Variants in SNTG2 observed in about 807,000 individuals in gnomAD.
SNTG2 encodes the protein gamma-2-syntrophin.
SNTG2 carries 74 observed loss-of-function variants against 70.9 expected under a neutral mutation model. The ratio of observed to expected loss-of-function variants is 1.04; its 90% CI spans 0.86 to 1.27. The LOEUF is 1.27. SNTG2 is among the 50% of genes most tolerant of loss of function. SNTG2 has a pLI of 0.00. For synonymous variants in SNTG2, 278 were observed against 273.8 expected (o/e 1.02, Z -0.15); for missense variants, 717 against 690.7 (o/e 1.04, Z -0.43).
chr2:1,273,651 A>G (rs1012407836), intron 14 of SNTG2, among the ~76,000 whole-genome samples: 2 of 148,666 alleles, frequency 1.3e-5, no homozygotes, highest in Non-Finnish European at 3.0e-5. Flanking sequence ...ATATATATAT[A>G]AGTATAAACT....
chr2:1,320,530 T>G (rs1213570131), intron 16 of SNTG2, among the ~76,000 whole-genome samples: 23 of 96,784 alleles, frequency 2.4e-4, no homozygotes, highest in African/African-American at 9.8e-4. Flanking sequence ...GCGAGACTCC[T>G]TCTCAAAAAA....
chr2:1,074,530 A>G (rs1168668039), intron 1 of SNTG2, among the ~76,000 whole-genome samples: 1 of 152,202 alleles, frequency 6.6e-6, no homozygotes, highest in Admixed American at 6.5e-5. Flanking sequence ...TGATAAAGGT[A>G]TTGTTAAGTA....
At chr2:966,973 A>G (rs925302718) in intron 1 of SNTG2, among the ~76,000 whole-genome samples, 7 of 152,038 alleles carry the variant, frequency 4.6e-5, no homozygotes, top group African/African-American at 1.7e-4. Context: ...AAACAAAAAA[A>G]CAAATAATAG....
chr2:1,139,189 A>G (rs1668589104), intron 6 of SNTG2, among the ~76,000 whole-genome samples: 2 of 152,188 alleles, frequency 1.3e-5, no homozygotes, highest in Non-Finnish European at 1.5e-5. Flanking sequence ...CAGAGAGAGT[A>G]AAATTCTTGT....
rs201438117 is a variant in SNTG2, at chr2:1,209,123, G to T, written c.612G>T (p.Ser204=). 2 of 1,613,766 alleles carry T rather than the reference G, an allele frequency of 1.2e-6. No individual in the cohort carries two copies. Among genetic ancestry groups the T allele is most frequent in the South Asian group, 2.2e-5 (2 of 91,056 alleles). The change falls in exon 9 of 17, where the codon TCG becomes TCT. Residue 204 remains serine (S), a synonymous_variant. Transcript: ENST00000308624. The part of the protein sequence containing the change: ...SSTTAPSSPS[S]PIAKDPRYEK... Reference sequence around the variant, plus strand: ...TACAGGCCCCATCGTCACCTTCCTCGCCCATAGCTAAGGACCCGAGGTATG... The same window carrying T: ...TACAGGCCCCATCGTCACCTTCCTCTCCCATAGCTAAGGACCCGAGGTATG...
intron 9 of SNTG2, among the ~76,000 whole-genome samples, chr2:1,232,733 T>C (rs1676340060): frequency 1.3e-5 from 2 of 152,230 alleles, no homozygotes; most frequent in Non-Finnish European, 2.9e-5. Flanking sequence ...TTTTCTAAAT[T>C]GTACTAAAAA....
intron 1 of SNTG2, among the ~76,000 whole-genome samples, chr2:1,004,078 A>G (rs1004029611): frequency 2.0e-5 from 3 of 152,338 alleles, no homozygotes; most frequent in Middle Eastern, 3.4e-3. Context: ...TTATACCTAT[A>G]CAGAATCCCC....
intron 1 of SNTG2, among the ~76,000 whole-genome samples, chr2:1,034,001 T>C (rs1401113131): frequency 6.6e-6 from 1 of 151,816 alleles, no homozygotes; most frequent in Non-Finnish European, 1.5e-5. Context: ...TATTTTTAAC[T>C]TTTATGTTTA....
Position 1,165,559 on chromosome 2 carries a change from G to A in SNTG2, c.423G>A (p.Leu141=). ...NATHEEVVHL[L]RNAGDEVTIT... is the part of the protein sequence containing the mutation. ...TGTCATATTGACAGGTGCATCTGCT[G>A]AGAAATGCTGGCGATGAAGTTACCA... The change falls in exon 7 of 17, where the codon CTG becomes CTA. Residue 141 remains leucine (L), a synonymous_variant. Coordinates refer to ENST00000308624, the MANE Select transcript of SNTG2 (RefSeq NM_018968.4). 1 of 1,612,538 alleles carries A rather than the reference G, an allele frequency of 6.2e-7. No individual in the cohort carries two copies. Among genetic ancestry groups the A allele is most frequent in the Admixed American group, 1.7e-5 (1 of 59,732 alleles).
intron 1 of SNTG2, among the ~76,000 whole-genome samples, chr2:967,389 C>T (rs1660602646): frequency 6.6e-6 from 1 of 151,972 alleles, no homozygotes; most frequent in Non-Finnish European, 1.5e-5. Flanking sequence ...TGATGAAGTT[C>T]CCTTCTCTTA....
At chr2:1,092,206 A>G (rs1273732251) in intron 2 of SNTG2, among the ~76,000 whole-genome samples, 1 of 152,108 alleles carries the variant, frequency 6.6e-6, no homozygotes, top group African/African-American at 2.4e-5. Context: ...GTTTTTCTAT[A>G]AATTTCTAAT....
At chr2:1,308,147 TAGCAGAAAG>T (rs1237564894) in intron 14 of SNTG2, among the ~76,000 whole-genome samples, 6 of 152,166 alleles carry the variant, frequency 3.9e-5, no homozygotes, top group Non-Finnish European at 7.3e-5. Context: ...TACAATGAGC[TAGCAGAAAG>T]AAAATTCAGT....
chr2:1,169,470 G>T (rs1312262999), intron 7 of SNTG2, among the ~76,000 whole-genome samples: 1 of 152,178 alleles, frequency 6.6e-6, no homozygotes, highest in African/African-American at 2.4e-5. Flanking sequence ...ACACCAGATG[G>T]CAGAGGAAGT....
intron 1 of SNTG2, among the ~76,000 whole-genome samples, chr2:1,019,180 C>T (rs1225698137): frequency 6.6e-6 from 1 of 152,164 alleles, no homozygotes; most frequent in Non-Finnish European, 1.5e-5. Flanking sequence ...ATCAAACAGT[C>T]CCCTTTGGCT....
chr2:1,170,058 T>C (rs1184793728), intron 7 of SNTG2, among the ~76,000 whole-genome samples: 1 of 152,062 alleles, frequency 6.6e-6, no homozygotes, highest in Non-Finnish European at 1.5e-5. Flanking sequence ...GAAGCAGAAA[T>C]CCACCGAGCA....
rs1673789530 is a variant in SNTG2, at chr2:1,208,286, TGTGA to T, written c.592-813_592-810del. On this transcript the variant is annotated intron_variant, in intron 8 of 16. Coordinates refer to ENST00000308624, the MANE Select transcript of SNTG2 (RefSeq NM_018968.4). The stretch of plus-strand genomic sequence containing the variant: ...CACGCCCATGAGTGTGGGGCACACC[TGTGA>T]GTGTGAGGCACATCTGTGTGAGGCA... Among the ~76,000 whole-genome samples, 4 of 75,376 alleles carry T rather than the reference TGTGA, an allele frequency of 5.3e-5. No homozygotes were observed. In the East Asian group the frequency reaches 5.4e-3, roughly 102 times the overall value. 49.4% of individuals were successfully genotyped at this position (75,376 alleles called of 152,430 possible).
intron 6 of SNTG2, among the ~76,000 whole-genome samples, chr2:1,148,594 C>T (rs66504177): frequency 0.98 from 149,713 of 152,262 alleles, 73,653 homozygotes; most frequent in East Asian, 1. Context: ...TACTGTGTTA[C>T]CTGACACTAA....
intron 1 of SNTG2, among the ~76,000 whole-genome samples, chr2:951,729 C>G (rs1659972640): frequency 6.6e-6 from 1 of 152,208 alleles, no homozygotes; most frequent in African/African-American, 2.4e-5. Flanking sequence ...ACGAAAAGTT[C>G]TTGGAAACCT....
chr2:1,302,051 T>G (rs1680476257), intron 14 of SNTG2, among the ~76,000 whole-genome samples: 1 of 148,944 alleles, frequency 6.7e-6, no homozygotes, highest in Non-Finnish European at 1.5e-5. Flanking sequence ...AACCTCCGCC[T>G]CCCAGGTTGA....
Sources: allele counts gnomAD v4.1 joint callset (sites outside exome capture counted in the v4.1 genomes callset), GRCh38; gene constraint gnomAD v4.1.1; transcripts MANE v1.5; gene names NCBI Gene and HGNC (gene_info 2026-07-23, HGNC 2026-07-21).